DNTT: variants seen among roughly 807,000 people sequenced by gnomAD.
The protein encoded by DNTT is nucleosidetriphosphate:DNA deoxynucleotidylexotransferase.
In DNTT, 47 loss-of-function variants were observed where a neutral mutation model predicts 60.9. That is an observed-to-expected ratio of 0.77 (90% CI 0.61 to 0.98). The LOEUF (loss-of-function observed/expected upper bound fraction) is 0.98, where lower values mean the gene tolerates loss of function less well. Among genes scored for constraint, DNTT ranks in the 50% least tolerant of loss-of-function variants. DNTT has a pLI of 0.00. For missense variants in DNTT, 665 were observed against 627.5 expected (o/e 1.06, Z -0.64); for synonymous variants, 224 against 221.2 (o/e 1.01, Z -0.11).
At chr10:96,311,048 C>T (rs567945075) in intron 1 of DNTT, among the ~76,000 whole-genome samples, 3 of 152,162 alleles carry the variant, frequency 2.0e-5, no homozygotes, top group Non-Finnish European at 2.9e-5. Flanking sequence ...GAGGCAAGAT[C>T]GTCTCAGTCA....
intron 9 of DNTT, among the ~76,000 whole-genome samples, chr10:96,335,335 T>TG (rs1443267598): frequency 1.3e-5 from 2 of 152,144 alleles, no homozygotes; most frequent in Non-Finnish European, 2.9e-5. Flanking sequence ...GGCATCTCAG[T>TG]GTGAAAGGAT....
At position 96,304,484 on chromosome 10, in the gene DNTT, A is replaced by G. The variant is rs1167716538; in HGVS notation, c.-14A>G. On this transcript the variant is annotated 5_prime_UTR_variant, in exon 1 of 11. Transcript: ENST00000371174. Reference sequence around the variant, plus strand: ...ACCAGATGGGCCAGCCAGAGGCAGCAGCAGCCTCTTCCCATGGATCCACCA... The same window carrying G: ...ACCAGATGGGCCAGCCAGAGGCAGCGGCAGCCTCTTCCCATGGATCCACCA... 1 of 1,613,030 alleles carries G rather than the reference A, an allele frequency of 6.2e-7. No homozygotes were observed. The highest frequency in any genetic ancestry group is 8.5e-7 in the Non-Finnish European group (1 of 1,179,946).
At chr10:96,338,111 T>C in intron 10 of DNTT, 27 bp from the exon 11 acceptor site, 3 of 1,593,050 alleles carry the variant, frequency 1.9e-6, no homozygotes, top group Admixed American at 1.7e-5. Flanking sequence ...AATATCTGAA[T>C]GCACATATTT....
chr10:96,307,343 G>GTTTTTTTTTTTTTTT (rs533516556), intron 1 of DNTT, among the ~76,000 whole-genome samples: 2 of 67,606 alleles, frequency 3.0e-5, no homozygotes, highest in African/African-American at 1.3e-4. Context: ...GGGTTTTCCA[G>GTTTTTTTTTTTTTTT]TTTTTTTTTT....
intron 9 of DNTT, 74 bp downstream of exon 9, chr10:96,332,670 G>A: frequency 6.4e-7 from 1 of 1,567,916 alleles, no homozygotes; most frequent in South Asian, 1.2e-5. Flanking sequence ...TGGGCCCAGG[G>A]GAGAGATGAC....
At position 96,318,333 on chromosome 10, in the gene DNTT, T is replaced by G. The variant is rs964863830; in HGVS notation, c.204-19T>G. On this transcript the variant is annotated intron_variant, in intron 1 of 10. Coordinates refer to ENST00000371174, the MANE Select transcript of DNTT (RefSeq NM_004088.4). Reference sequence around the variant, plus strand: ...TTTGAAAGATGTTTCAGCTGGTAACTCTGTCTTGCATTTTGCAGTGATTCT... The same window carrying G: ...TTTGAAAGATGTTTCAGCTGGTAACGCTGTCTTGCATTTTGCAGTGATTCT... 28 of 1,595,322 alleles carry G rather than the reference T, an allele frequency of 1.8e-5. No individual in the cohort carries two copies. Among genetic ancestry groups the G allele is most frequent in the Non-Finnish European group, 2.4e-5 (28 of 1,168,108 alleles).
intron 1 of DNTT, among the ~76,000 whole-genome samples, chr10:96,311,389 C>T (rs1474727758): frequency 6.6e-6 from 1 of 152,110 alleles, no homozygotes; most frequent in African/African-American, 2.4e-5. Context: ...TATACCCAGG[C>T]AAATAAAAAT....
intron 1 of DNTT, among the ~76,000 whole-genome samples, chr10:96,309,786 A>G (rs1315433815): frequency 2.0e-5 from 3 of 152,222 alleles, no homozygotes; most frequent in African/African-American, 4.8e-5. Flanking sequence ...CCTGCCTGAG[A>G]AAGTTCATCA....
intron 1 of DNTT, among the ~76,000 whole-genome samples, chr10:96,307,734 A>ATATATATATATATATATAT (rs1564868534): frequency 5.5e-5 from 4 of 72,588 alleles, no homozygotes; most frequent in Admixed American, 1.8e-4. Flanking sequence ...TATATATATA[A>ATATATATATATATATATAT]GCATATATAT....
At chr10:96,329,493 T>C (rs766853667) in intron 8 of DNTT, among the ~76,000 whole-genome samples, 11 of 152,218 alleles carry the variant, frequency 7.2e-5, no homozygotes, top group Non-Finnish European at 1.5e-4. Flanking sequence ...GGTCCTACCC[T>C]TGGGACCTGT....
At chr10:96,336,509 C>T (rs1230170438) in intron 10 of DNTT, among the ~76,000 whole-genome samples, 2 of 152,142 alleles carry the variant, frequency 1.3e-5, no homozygotes, top group Non-Finnish European at 2.9e-5. Flanking sequence ...CCAATTCATC[C>T]CTCAGCAAAA....
intron 1 of DNTT, among the ~76,000 whole-genome samples, chr10:96,305,766 T>C (rs1398188327): frequency 6.6e-6 from 1 of 152,204 alleles, no homozygotes; most frequent in East Asian, 1.9e-4. Context: ...CAAAAGTCAA[T>C]TTTCAGATAT....
rs777583195 is a variant in DNTT, at chr10:96,338,189, T to C, written c.1495T>C (p.Leu499=). The change falls in exon 11 of 11, where the codon TTG becomes CTG. Residue 499 remains leucine (L), a synonymous_variant. Coordinates refer to ENST00000371174, the MANE Select transcript of DNTT (RefSeq NM_004088.4). ...AGAAGAAATTTTTGCGCATCTGGGA[T>C]TGGATTATATTGAACCGTGGGAAAG... ...SEEEIFAHLG[L]DYIEPWERNA 1.2e-5 allele frequency: 19 copies of C among 1,613,418 alleles called. No homozygotes were observed. The highest frequency in any genetic ancestry group is 5.3e-5 in the African/African-American group (4 of 75,040).
chr10:96,318,332 C>G lies in DNTT; in HGVS notation c.204-20C>G, dbSNP rs1016282242. 6.3e-7 allele frequency: 1 copy of G among 1,594,284 alleles called. No homozygotes were observed. The highest frequency in any genetic ancestry group is 2.3e-5 in the East Asian group (1 of 44,438). ...TTTTGAAAGATGTTTCAGCTGGTAA[C>G]TCTGTCTTGCATTTTGCAGTGATTC... is the stretch of plus-strand genomic sequence containing the variant. On this transcript the variant is annotated intron_variant, in intron 1 of 10. Transcript: ENST00000371174.
intron 1 of DNTT, among the ~76,000 whole-genome samples, chr10:96,314,537 C>T (rs572594683): frequency 3.3e-4 from 50 of 150,738 alleles, no homozygotes; most frequent in African/African-American, 1.1e-3. Context: ...CTCAGCCTCC[C>T]GAGTAGCTGG....
Position 96,304,532 on chromosome 10 carries a change from G to A in DNTT, c.35G>A (p.Arg12Gln), listed in dbSNP as rs766910053. 1.7e-5 allele frequency: 28 copies of A among 1,613,860 alleles called. No homozygotes were observed. The East Asian group carries it at 3.8e-4, about 22-fold the overall frequency. ...DPPRASHLSP[R>Q]KKRPRQTGAL... is the part of the protein sequence containing the mutation. ...CCACGAGCGTCCCACTTGAGCCCTCGGAAGAAGAGACCCCGGCAGACGGGT... is the reference window on the plus strand; with the variant it reads ...CCACGAGCGTCCCACTTGAGCCCTCAGAAGAAGAGACCCCGGCAGACGGGT... Residue 12 changes from arginine to glutamine, a missense_variant, in exon 1 of 11, where the codon CGG (arginine) becomes CAG (glutamine). By Grantham distance (43) the Arg-to-Gln change is conservative. Coordinates refer to ENST00000371174, the MANE Select transcript of DNTT (RefSeq NM_004088.4).
intron 1 of DNTT, among the ~76,000 whole-genome samples, chr10:96,316,729 C>T (rs187853970): frequency 2.6e-5 from 4 of 152,310 alleles, no homozygotes; most frequent in Non-Finnish European, 4.4e-5. Flanking sequence ...CAACCAGCTG[C>T]CTCTCCCAGC....
Position 96,322,744 on chromosome 10 carries a change from T to C in DNTT, c.750+16T>C. Reference sequence around the variant, plus strand: ...ATCCTTCAAAGTAAGTGATTTTACATATATTTATTGAAAATTGTTTTTCAG... The same window carrying C: ...ATCCTTCAAAGTAAGTGATTTTACACATATTTATTGAAAATTGTTTTTCAG... On this transcript the variant is annotated intron_variant, in intron 5 of 10. Coordinates refer to ENST00000371174, the MANE Select transcript of DNTT (RefSeq NM_004088.4). The C allele has an allele frequency of 6.4e-7, 1 of 1,573,260 alleles. No homozygotes were observed. Among genetic ancestry groups the C allele is most frequent in the Admixed American group, 1.7e-5 (1 of 57,468 alleles).
chr10:96,331,391 A>C (rs1324744721), intron 8 of DNTT, among the ~76,000 whole-genome samples: 1 of 152,208 alleles, frequency 6.6e-6, no homozygotes, highest in Admixed American at 6.5e-5. Flanking sequence ...GTTCTGCAGG[A>C]TGTATAAGAA....
Sources: allele counts gnomAD v4.1 joint callset (sites outside exome capture counted in the v4.1 genomes callset), GRCh38; gene constraint gnomAD v4.1.1; transcripts MANE v1.5; gene names NCBI Gene and HGNC (gene_info 2026-07-23, HGNC 2026-07-21).